The following CRIM1 variants were observed in gnomAD, a reference collection of about 807,000 sequenced individuals.
CRIM1 encodes cysteine-rich motor neuron 1 protein.
In CRIM1, 32 loss-of-function variants were observed where a neutral mutation model predicts 116.4. The observed-to-expected ratio is 0.27, with a 90% CI of 0.21 to 0.37. CRIM1 has a LOEUF of 0.37. Ranked by LOEUF, CRIM1 falls within the 10% of genes least tolerant of loss-of-function variation. The pLI is 1.00. For synonymous variants in CRIM1, 590 were observed against 509.2 expected (o/e 1.16, Z -2.13); for missense variants, 1,331 against 1,354.8 (o/e 0.98, Z 0.28).
rs192393958 is a variant in CRIM1 at position 36,410,490 on chromosome 2, T to C, written c.505+13703T>C. Among the ~76,000 whole-genome samples the C allele has an allele frequency of 1.5e-3, 234 of 152,304 alleles. 1 individual carries two copies. The highest frequency in any genetic ancestry group is 4.4e-3 in the Admixed American group (67 of 15,302). ...ATAAGTAAAATGAGCTACTATTGTATCTTGTCCTTGTCAGGGTTTTCTTTT... is the reference window on the plus strand; with the variant it reads ...ATAAGTAAAATGAGCTACTATTGTACCTTGTCCTTGTCAGGGTTTTCTTTT... On this transcript the variant is annotated intron_variant, in intron 2 of 16. Transcript: ENST00000280527.
At chr2:36,411,486 A>G (rs1183069576) in intron 2 of CRIM1, among the ~76,000 whole-genome samples, 2 of 152,196 alleles carry the variant, frequency 1.3e-5, no homozygotes, top group African/African-American at 2.4e-5. Context: ...AAAATTATGC[A>G]TGTCACTTGT....
At chr2:36,364,677 T>A (rs1669470196) in intron 1 of CRIM1, among the ~76,000 whole-genome samples, 1 of 152,200 alleles carries the variant, frequency 6.6e-6, no homozygotes, top group Non-Finnish European at 1.5e-5. Flanking sequence ...ATCTTAAATC[T>A]GTTATTTTTT....
In CRIM1 at chr2:36,499,162, G is replaced by A. The variant is rs575481242; in HGVS notation, c.1373-57G>A. ...GGTGTGGAATTTCAAAAATTGAATA[G>A]CATCTAAAAGGTAATCATATGTTTC... On this transcript the variant is annotated intron_variant, in intron 7 of 16. Coordinates refer to ENST00000280527, the MANE Select transcript of CRIM1 (RefSeq NM_016441.3). 3.0e-4 allele frequency: 408 copies of A among 1,352,030 alleles called. No homozygotes were observed. In the African/African-American group the frequency reaches 3.2e-3, roughly 10 times the overall value. 83.8% of individuals were successfully genotyped at this position (1,352,030 alleles called of 1,614,324 possible). A position where few individuals can be genotyped will look rare whatever the true frequency, so the allele number is the denominator to read the frequency against.
chr2:36,409,105 C>T (rs1558551481), intron 2 of CRIM1, among the ~76,000 whole-genome samples: 1 of 152,026 alleles, frequency 6.6e-6, no homozygotes, highest in East Asian at 1.9e-4. Flanking sequence ...TGCATACCAT[C>T]ATACGTAAAA....
intron 2 of CRIM1, among the ~76,000 whole-genome samples, chr2:36,428,528 A>T (rs947180011): frequency 6.6e-6 from 1 of 152,242 alleles, no homozygotes; most frequent in Non-Finnish European, 1.5e-5. Flanking sequence ...TAAAGTTCAT[A>T]TATACAGAAA....
chr2:36,394,419 A>C (rs1323938829), intron 1 of CRIM1, among the ~76,000 whole-genome samples: 4 of 152,164 alleles, frequency 2.6e-5, no homozygotes, highest in South Asian at 4.1e-4. Context: ...ACTTGGATGC[A>C]CATTTTGTTA....
At chr2:36,466,672 T>C (rs1419853115) in intron 5 of CRIM1, among the ~76,000 whole-genome samples, 1 of 152,220 alleles carries the variant, frequency 6.6e-6, no homozygotes, top group Non-Finnish European at 1.5e-5. Flanking sequence ...TAGCCTATTA[T>C]CTGCCTCACA....
At chr2:36,525,409 G>T (rs1479451289) in intron 13 of CRIM1, among the ~76,000 whole-genome samples, 1 of 152,054 alleles carries the variant, frequency 6.6e-6, no homozygotes, top group Non-Finnish European at 1.5e-5. Flanking sequence ...CCTATATAAG[G>T]GTGCCAAGCC....
intron 2 of CRIM1, among the ~76,000 whole-genome samples, chr2:36,421,670 A>C (rs1473700941): frequency 6.6e-6 from 1 of 152,220 alleles, no homozygotes; most frequent in Admixed American, 6.5e-5. Context: ...CTTTGAAACA[A>C]ATCTCAAAAA....
chr2:36,404,753 A>G (rs868665762), intron 2 of CRIM1, among the ~76,000 whole-genome samples: 2 of 152,162 alleles, frequency 1.3e-5, no homozygotes, highest in Admixed American at 6.5e-5. Flanking sequence ...AAATGAAACT[A>G]ATTTTTACAC....
At chr2:36,396,154 C>T (rs1038305754) in intron 1 of CRIM1, among the ~76,000 whole-genome samples, 2 of 152,104 alleles carry the variant, frequency 1.3e-5, no homozygotes, top group African/African-American at 4.8e-5. Flanking sequence ...AAGTAATCCC[C>T]GTGCCTTGGT....
chr2:36,511,216 C>T (rs1664653215), intron 9 of CRIM1, among the ~76,000 whole-genome samples: 1 of 152,190 alleles, frequency 6.6e-6, no homozygotes, highest in South Asian at 2.1e-4. Flanking sequence ...GCTGGGATTA[C>T]AGGCATGAGC....
At position 36,360,455 on chromosome 2, in the gene CRIM1, C is replaced by G. The variant is rs72862095; in HGVS notation, c.331+3832C>G. On this transcript the variant is annotated intron_variant, in intron 1 of 16. Transcript: ENST00000280527. ...ATTGCTATCTAAAAACGACCTCTTT[C>G]AGAACGCAATCCTCCTTTTATTTCC... 5.0e-3 allele frequency among the ~76,000 whole-genome samples: 765 copies of G among 152,322 alleles called. 9 individuals are homozygous for G. Among genetic ancestry groups the G allele is most frequent in the African/African-American group, 0.018 (742 of 41,570 alleles).
intron 7 of CRIM1, among the ~76,000 whole-genome samples, chr2:36,484,058 C>A (rs1219945756): frequency 6.6e-6 from 1 of 152,210 alleles, no homozygotes; most frequent in Non-Finnish European, 1.5e-5. Flanking sequence ...TTCTGATGGG[C>A]ACTCAGCTCT....
chr2:36,548,013 A>G (rs1667471578), intron 16 of CRIM1, among the ~76,000 whole-genome samples: 1 of 152,178 alleles, frequency 6.6e-6, no homozygotes, highest in Non-Finnish European at 1.5e-5. Flanking sequence ...CTTTGAACAA[A>G]TGTACATTGG....
At chr2:36,476,273 A>G (rs769228294) in intron 5 of CRIM1, among the ~76,000 whole-genome samples, 8 of 152,100 alleles carry the variant, frequency 5.3e-5, no homozygotes, top group Non-Finnish European at 7.4e-5. Flanking sequence ...CTTTGAGTAA[A>G]CTACCTAGGA....
chr2:36,519,121 A>G (rs560568957), intron 12 of CRIM1, among the ~76,000 whole-genome samples: 1 of 152,322 alleles, frequency 6.6e-6, no homozygotes, highest in South Asian at 2.1e-4. Context: ...TGATGAACTT[A>G]GGGATTAACT....
intron 2 of CRIM1, among the ~76,000 whole-genome samples, chr2:36,437,816 G>A (rs1344579640): frequency 6.6e-6 from 1 of 151,990 alleles, no homozygotes; most frequent in African/African-American, 2.4e-5. Context: ...TGACAATGTT[G>A]GGACTGTCAA....
At chr2:36,428,233 A>G (rs1214721402) in intron 2 of CRIM1, among the ~76,000 whole-genome samples, 1 of 152,204 alleles carries the variant, frequency 6.6e-6, no homozygotes, top group Non-Finnish European at 1.5e-5. Context: ...CCCTGCCTTG[A>G]CATTCATAGG....
Sources: allele counts gnomAD v4.1 joint callset (sites outside exome capture counted in the v4.1 genomes callset), GRCh38; gene constraint gnomAD v4.1.1; transcripts MANE v1.5; gene names NCBI Gene and HGNC (gene_info 2026-07-23, HGNC 2026-07-21).